Variants in CT47C1 observed in about 807,000 individuals in gnomAD.
CT47C1 encodes cancer/testis antigen family 47 member C1, also known as cancer/testis antigen family 47 member A11 pseudogene.
At chrX:119,073,746 T>C in the CT47C1 span, 1 of 788,183 alleles carries the variant, frequency 1.3e-6, no homozygotes, top group African/African-American at 2.1e-5. Context: ...CTGTTGCTGG[T>C]GCATGAGAGG....
the CT47C1 span, chrX:119,073,981 C>T: frequency 0.022 from 15,635 of 711,045 alleles, 1,514 homozygotes; most frequent in African/African-American, 0.29. Flanking sequence ...AGGAGGAGCT[C>T]GCAGAGGAGG....
the CT47C1 span, among the ~76,000 whole-genome samples, chrX:119,075,788 A>G: frequency 9.9e-6 from 1 of 100,578 alleles, no homozygotes; most frequent in African/African-American, 3.7e-5. Flanking sequence ...CTTCTTTCCC[A>G]TATGGTAGAT....
the CT47C1 span, chrX:119,074,149 C>T: frequency 1.3e-5 from 6 of 452,975 alleles, no homozygotes; most frequent in African/African-American, 4.8e-5. Context: ...GGCAGGGCCG[C>T]GGTGTGCGCA....
the CT47C1 span, chrX:119,073,951 G>T: frequency 1.3e-6 from 1 of 781,843 alleles, no homozygotes; most frequent in East Asian, 3.2e-5. Flanking sequence ...CCTCAGAGAA[G>T]CCCACAGAGG....
chrX:119,073,270 G>A, the CT47C1 span: 1 of 499,545 alleles, frequency 2.0e-6, no homozygotes, highest in African/African-American at 2.3e-5. Context: ...AGGACCAGGA[G>A]GCTCCAGTGA....
chrX:119,073,755 G>T, the CT47C1 span: 38 of 800,478 alleles, frequency 4.7e-5, no homozygotes, highest in Non-Finnish European at 6.2e-5. Flanking sequence ...GTGCATGAGA[G>T]GCTGGGCGTG....
the CT47C1 span, chrX:119,073,574 C>T: frequency 3.8e-6 from 2 of 528,178 alleles, no homozygotes; most frequent in South Asian, 5.0e-5. Flanking sequence ...CGCGGCCGCC[C>T]GTCGCTACCC....
the CT47C1 span, among the ~76,000 whole-genome samples, chrX:119,074,515 CA>C: frequency 9.0e-6 from 1 of 111,000 alleles, no homozygotes; most frequent in African/African-American, 3.3e-5. Flanking sequence ...AGTTGATCCC[CA>C]AATGATGAAG....
the CT47C1 span, chrX:119,074,892 T>G: frequency 1.0e-6 from 1 of 958,655 alleles, no homozygotes; most frequent in Non-Finnish European, 1.5e-6. Flanking sequence ...GTGCCGCTGC[T>G]GGTTATAAAT....
At chrX:119,073,630 T>C in the CT47C1 span, 1 of 566,199 alleles carries the variant, frequency 1.8e-6, no homozygotes, top group Non-Finnish European at 3.1e-6. Context: ...TCCACTCCCT[T>C]CTCCTCCGCA....
At chrX:119,073,159 T>C in the CT47C1 span, 1 of 442,131 alleles carries the variant, frequency 2.3e-6, no homozygotes, top group Non-Finnish European at 3.9e-6. Context: ...GCCACATCAG[T>C]GGCCACCGTC....
chrX:119,074,925 T>C, the CT47C1 span: 3 of 1,013,560 alleles, frequency 3.0e-6, no homozygotes, highest in Non-Finnish European at 4.1e-6. Flanking sequence ...TCTGTGAATG[T>C]CTGGTCCCAA....
At chrX:119,074,091 C>T in the CT47C1 span, 1 of 497,618 alleles carries the variant, frequency 2.0e-6, no homozygotes, top group Non-Finnish European at 3.5e-6. Flanking sequence ...GAGGAACAGG[C>T]TATCTGCAGT....
chrX:119,073,127 C>T, the CT47C1 span: 2 of 412,408 alleles, frequency 4.8e-6, no homozygotes, highest in South Asian at 5.2e-5. Context: ...GCAGCCCAGC[C>T]CCTCACCTCC....
chrX:119,074,591 T>C, the CT47C1 span, among the ~76,000 whole-genome samples: 337 of 111,800 alleles, frequency 3.0e-3, 2 homozygotes, highest in African/African-American at 0.01. Flanking sequence ...AGCTTCACCA[T>C]AGAATTTGTC....
chrX:119,073,930 C>A, the CT47C1 span: 2 of 808,525 alleles, frequency 2.5e-6, no homozygotes, highest in Non-Finnish European at 3.6e-6. Context: ...CAGAAGAGCC[C>A]GCAGAGGAGG....
At chrX:119,074,887 G>A in the CT47C1 span, 17 of 941,516 alleles carry the variant, frequency 1.8e-5, no homozygotes, top group South Asian at 1.1e-4. Flanking sequence ...ACTGGGTGCC[G>A]CTGCTGGTTA....
chrX:119,076,580 G>A, the CT47C1 span, among the ~76,000 whole-genome samples: 1 of 112,244 alleles, frequency 8.9e-6, no homozygotes, highest in Non-Finnish European at 1.9e-5. Context: ...TGGGGCTCAA[G>A]TCTTTAGAGC....
chrX:119,075,231 A>G, the CT47C1 span: 2 of 925,232 alleles, frequency 2.2e-6, no homozygotes, highest in African/African-American at 4.0e-5. Context: ...TAGTTTAAAA[A>G]TTCAATTTAG....
Sources: gnomAD v4.1 joint callset for allele counts (sites outside exome capture counted in the v4.1 genomes callset) on GRCh38, gnomAD v4.1.1 for gene constraint, MANE v1.5 for transcripts, NCBI Gene and HGNC (gene_info 2026-07-23, HGNC 2026-07-21) for gene names.